Variants in IGSF10 observed in about 807,000 individuals in gnomAD.
The protein encoded by IGSF10 is immunoglobulin superfamily member 10.
A neutral mutation model predicts 128.2 loss-of-function variants in IGSF10; 126 were observed. That is an observed-to-expected ratio of 0.98 (90% confidence interval 0.85 to 1.14). The LOEUF (loss-of-function observed/expected upper bound fraction) is 1.14. Ranked by LOEUF, IGSF10 falls within the 50% of genes most tolerant of loss-of-function variation. IGSF10 has a pLI of 0.00. For synonymous variants in IGSF10, 1,185 were observed against 1,146.2 expected (o/e 1.03, Z -0.68); for missense variants, 3,295 against 3,149.8 (o/e 1.05, Z -1.10).
At chr3:151,561,997 C>A in the IGSF10 span, among the ~76,000 whole-genome samples, 6 of 152,118 alleles carry the variant, frequency 3.9e-5, no homozygotes, top group East Asian at 1.2e-3. Flanking sequence ...GCGTTTGAAC[C>A]AGAGCAACTC....
Position 151,447,663 on chromosome 3 carries a change from T to C in IGSF10, c.2318A>G (p.Glu773Gly), listed in dbSNP as rs1189118696. 6.2e-7 allele frequency: 1 copy of C among 1,614,186 alleles called. No individual in the cohort carries two copies. Among genetic ancestry groups the C allele is most frequent in the Non-Finnish European group, 8.5e-7 (1 of 1,180,030 alleles). ...TGGGGGTGGGCTCACTGTGGTATTT[T>C]CTCGCTTGTCTGGCATAGCATTCTT... is the stretch of plus-strand genomic sequence containing the variant. ...AKKNAMPDKR[E>G]NTTVSPPPVV... is the part of the protein sequence containing the mutation. Residue 773 changes from glutamate to glycine, a missense_variant, in exon 6 of 8, where the codon GAA becomes GGA. Physicochemically the swap from Glu to Gly is moderately conservative, Grantham distance 98. Coordinates refer to ENST00000282466, the MANE Select transcript of IGSF10 (RefSeq NM_178822.5).
At chr3:151,543,789 G>C in the IGSF10 span, among the ~76,000 whole-genome samples, 2 of 152,132 alleles carry the variant, frequency 1.3e-5, no homozygotes, top group Admixed American at 6.5e-5. Context: ...TATCTGCCTT[G>C]GCCTATTCCT....
the IGSF10 span, among the ~76,000 whole-genome samples, chr3:151,510,821 A>C: frequency 6.6e-6 from 1 of 152,262 alleles, no homozygotes; most frequent in Non-Finnish European, 1.5e-5. Context: ...ATGAATGCAC[A>C]AGCCTCAGTA....
chr3:151,562,464 CT>C, the IGSF10 span, among the ~76,000 whole-genome samples: 9 of 152,088 alleles, frequency 5.9e-5, no homozygotes, highest in Admixed American at 5.9e-4. Context: ...ACCTCAAATT[CT>C]TTCTTGCACA....
Position 151,447,473 on chromosome 3 carries a change from T to C in IGSF10, c.2508A>G (p.Ile836Met). Residue 836 changes from isoleucine (I) to methionine (M), a missense_variant, in exon 6 of 8, where the codon ATA becomes ATG. Physicochemically the swap from Ile to Met is conservative, Grantham distance 10 (BLOSUM62 1). Coordinates refer to ENST00000282466, the MANE Select transcript of IGSF10 (RefSeq NM_178822.5). ...CAGGAGAGAATTCTGTGCCATAATT[T>C]ATGTTTGTCATAGGACTATCAGATA... The part of the protein sequence containing the change: ...RTISDSPMTN[I>M]NYGTEFSPVV... 6.2e-7 allele frequency: 1 copy of C among 1,614,196 alleles called. No homozygotes were observed. Among genetic ancestry groups the C allele is most frequent in the Non-Finnish European group, 8.5e-7 (1 of 1,180,016 alleles).
chr3:151,457,229 A>G, intron 3 of IGSF10, 74 bp from the exon 4 acceptor site: 1 of 1,363,552 alleles, frequency 7.3e-7, no homozygotes, highest in Non-Finnish European at 1.0e-6. Context: ...ACCAAAATAA[A>G]CACAAGAAAA....
In IGSF10 at chr3:151,443,070, T is replaced by TA; in HGVS notation, c.5876dup (p.Leu1959PhefsTer30). ...CCCCAGTGGCTGAGCAGTTCAGTAG[T>TA]AATTTGTCCCCAAAATTCACTTCAG... On this transcript the variant is annotated frameshift_variant, in exon 7 of 8. Coordinates refer to ENST00000282466, the MANE Select transcript of IGSF10 (RefSeq NM_178822.5). LOFTEE classifies it high-confidence loss of function. 1 of 1,614,198 alleles carries TA rather than the reference T, an allele frequency of 6.2e-7. No homozygotes were observed. The highest frequency in any genetic ancestry group is 1.1e-5 in the South Asian group (1 of 91,088).
At chr3:151,574,351 C>T in the IGSF10 span, among the ~76,000 whole-genome samples, 1 of 152,150 alleles carries the variant, frequency 6.6e-6, no homozygotes, top group Non-Finnish European at 1.5e-5. Context: ...CATTCAGGTA[C>T]ACCAATCAAA....
At chr3:151,523,283 C>T in the IGSF10 span, among the ~76,000 whole-genome samples, 1 of 152,126 alleles carries the variant, frequency 6.6e-6, no homozygotes, top group African/African-American at 2.4e-5. Context: ...ATCAAACTAC[C>T]AATGACATTC....
At chr3:151,502,665 A>G in the IGSF10 span, among the ~76,000 whole-genome samples, 5 of 151,940 alleles carry the variant, frequency 3.3e-5, no homozygotes, top group Non-Finnish European at 7.4e-5. Context: ...CTATTACTTT[A>G]AAATATTTTA....
rs774583697 is a variant in IGSF10 at position 151,445,599 on chromosome 3, G to A, written c.4382C>T (p.Thr1461Ile). 1 of 1,614,138 alleles carries A rather than the reference G, an allele frequency of 6.2e-7. No homozygotes were observed. The highest frequency in any genetic ancestry group is 8.5e-7 in the Non-Finnish European group (1 of 1,179,966). Residue 1461 changes from threonine to isoleucine, a missense_variant, in exon 6 of 8, where the codon ACC becomes ATC. By Grantham distance (89) the Thr-to-Ile change is moderately conservative (BLOSUM62 -1). Transcript: ENST00000282466. ...ACTGCTGCTCAAGAATGGTGGTATG[G>A]TTGAGTGTCTAATGATTGCTTTCCT... ...TTRKAIIRHSTIPPFLSSSAT... is the reference protein window; with the variant it reads ...TTRKAIIRHSIIPPFLSSSAT...
At chr3:151,609,906 T>C in the IGSF10 span, among the ~76,000 whole-genome samples, 1 of 152,122 alleles carries the variant, frequency 6.6e-6, no homozygotes, top group East Asian at 1.9e-4. Flanking sequence ...ACCTGGGTAA[T>C]GGAATCAATC....
chr3:151,437,167 T>C lies in IGSF10; in HGVS notation c.7394A>G (p.Lys2465Arg). 6.2e-7 allele frequency: 1 copy of C among 1,614,216 alleles called. No homozygotes were observed. ...VSDGIPKPNI[K>R]WTMPSGYVVD... The stretch of plus-strand genomic sequence containing the variant: ...TACATAACCACTTGGCATAGTCCAT[T>C]TGATATTTGGCTTAGGGATTCCATC... Residue 2465 changes from lysine (K) to arginine (R), a missense_variant, in exon 8 of 8, where the codon AAA becomes AGA. Lys to Arg is a conservative substitution (Grantham distance 26). Coordinates refer to ENST00000282466, the MANE Select transcript of IGSF10 (RefSeq NM_178822.5).
Position 151,448,509 on chromosome 3 carries a change from C to T in IGSF10, c.1472G>A (p.Gly491Glu), listed in dbSNP as rs755545531. 23 of 1,614,228 alleles carry T rather than the reference C, an allele frequency of 1.4e-5. 2 individuals carry two copies. The South Asian group carries it at 2.5e-4, about 18-fold the overall frequency. Residue 491 changes from glycine (G) to glutamate (E), a missense_variant, in exon 6 of 8, where the codon GGA (glycine) becomes GAA (glutamate). Coordinates refer to ENST00000282466, the MANE Select transcript of IGSF10 (RefSeq NM_178822.5). ...GCCTGGGCAGTTCAGGCCAACGGTT[C>T]CACCTACCAAGACAGTATGTTCCAG... ...TKLEHTVLVGGTVGLNCPGQG... is the reference protein window; with the variant it reads ...TKLEHTVLVGETVGLNCPGQG...
At chr3:151,551,861 G>GA in the IGSF10 span, among the ~76,000 whole-genome samples, 1 of 151,906 alleles carries the variant, frequency 6.6e-6, no homozygotes, top group African/African-American at 2.4e-5. Flanking sequence ...ACATTATATG[G>GA]AAAAAACTAG....
the IGSF10 span, among the ~76,000 whole-genome samples, chr3:151,591,145 A>G: frequency 6.6e-6 from 1 of 152,108 alleles, no homozygotes; most frequent in Non-Finnish European, 1.5e-5. Flanking sequence ...CCAAAATGTC[A>G]GAACATTCGG....
chr3:151,490,301 TAA>T, the IGSF10 span, among the ~76,000 whole-genome samples: 1 of 152,116 alleles, frequency 6.6e-6, no homozygotes, highest in African/African-American at 2.4e-5. Flanking sequence ...TATTTAATGA[TAA>T]AGAGGTCAAT....
rs920480899 is a variant in IGSF10, at chr3:151,457,070, G to A, written c.280C>T (p.His94Tyr). The A allele has an allele frequency of 6.8e-6, 11 of 1,614,060 alleles. No individual in the cohort carries two copies. In the Admixed American group the frequency reaches 1.8e-4, roughly 27 times the overall value. Reference sequence around the variant, plus strand: ...GAGAAGGTCTTGTCAGGGATTGTGTGAATGCCATTGCTGTGAAGCATGAGT... The same window carrying A: ...GAGAAGGTCTTGTCAGGGATTGTGTAAATGCCATTGCTGTGAAGCATGAGT... ...ELLMLHSNGIHTIPDKTFSDL... is the reference protein window; with the variant it reads ...ELLMLHSNGIYTIPDKTFSDL... Residue 94 changes from histidine (H) to tyrosine (Y), a missense_variant, in exon 4 of 8, where the codon CAC becomes TAC. Coordinates refer to ENST00000282466, the MANE Select transcript of IGSF10 (RefSeq NM_178822.5).
chr3:151,477,174 T>C, the IGSF10 span, among the ~76,000 whole-genome samples: 1 of 152,232 alleles, frequency 6.6e-6, no homozygotes, highest in Non-Finnish European at 1.5e-5. Context: ...ACACTGTTTA[T>C]TATCTCTTCC....
Sources: gnomAD v4.1 joint callset for allele counts (sites outside exome capture counted in the v4.1 genomes callset) on GRCh38, gnomAD v4.1.1 for gene constraint, MANE v1.5 for transcripts, NCBI Gene and HGNC (gene_info 2026-07-23, HGNC 2026-07-21) for gene names.